Variants in FAM53B observed in about 807,000 individuals in gnomAD.
The protein encoded by FAM53B is protein FAM53B.
A neutral mutation model predicts 32.7 loss-of-function variants in FAM53B; 12 were observed. The observed-to-expected ratio is 0.37, with a 90% CI of 0.24 to 0.59. The LOEUF is 0.59. Ranked by LOEUF, FAM53B falls within the 20% of genes least tolerant of loss-of-function variation. FAM53B has a pLI of 0.72. For synonymous variants in FAM53B, 234 were observed against 228.7 expected (o/e 1.02, Z -0.21); for missense variants, 477 against 577.7 (o/e 0.83, Z 1.79).
At position 124,744,097 on chromosome 10, in the gene FAM53B, CCGCCGCGCGCA is replaced by C. The variant is rs1441632190; in HGVS notation, c.-270_-260del. On this transcript the variant is annotated 5_prime_UTR_variant, in exon 1 of 5. Coordinates refer to ENST00000337318, the MANE Select transcript of FAM53B (RefSeq NM_014661.4). ...GTCGTCCGGGGTGCCCGCCGCGCGT[CCGCCGCGCGCA>C]CGCTCGCCTGCCGGCGCCGAGCGCT... 1 of 147,146 alleles carries C rather than the reference CCGCCGCGCGCA, an allele frequency of 6.8e-6. No homozygotes were observed. Among genetic ancestry groups the C allele is most frequent in the Non-Finnish European group, 1.5e-5 (1 of 65,994 alleles). 9.1% of individuals were successfully genotyped at this position (147,146 alleles called of 1,614,324 possible).
Position 124,706,838 on chromosome 10 carries a change from C to T in FAM53B, c.-125G>A. On this transcript the variant is annotated 5_prime_UTR_variant, in exon 2 of 5. Transcript: ENST00000337318. ...CAGAAACAGCTCCCCATTGGCCACT[C>T]ACCCTTGGGGTGGGGCCCTTCTGGG... The T allele has an allele frequency of 6.5e-7, 1 of 1,543,736 alleles. No individual in the cohort carries two copies. Among genetic ancestry groups the T allele is most frequent in the Admixed American group, 1.9e-5 (1 of 52,854 alleles).
chr10:124,717,952 C>T (rs759566374), intron 1 of FAM53B, among the ~76,000 whole-genome samples: 75 of 152,268 alleles, frequency 4.9e-4, no homozygotes, highest in Non-Finnish European at 5.6e-4. Context: ...CACAGCTTTC[C>T]TACCGGTGCA....
In FAM53B at chr10:124,681,803, G is replaced by T. The variant is rs1433539282; in HGVS notation, c.710C>A (p.Ser237Tyr). ...TGAGGGAGGACAGTATTCCACAAAG[G>T]AAAACTGCTCATGTGAGCAAGAGAG... is the stretch of plus-strand genomic sequence containing the variant. Reference protein sequence around the residue: ...RSLSCSHEQFSFVEYCPPSAN... With the variant: ...RSLSCSHEQFYFVEYCPPSAN... Residue 237 changes from serine to tyrosine, a missense_variant, in exon 4 of 5, where the codon TCC (serine) becomes TAC (tyrosine). This residue lies in a region of FAM53B where 312 missense variants were observed against 420.2 expected (regional missense o/e 0.74). Coordinates refer to ENST00000337318, the MANE Select transcript of FAM53B (RefSeq NM_014661.4). 6.2e-7 allele frequency: 1 copy of T among 1,610,634 alleles called. No individual in the cohort carries two copies. Among genetic ancestry groups the T allele is most frequent in the Admixed American group, 1.7e-5 (1 of 59,468 alleles).
intron 4 of FAM53B, among the ~76,000 whole-genome samples, chr10:124,624,502 C>G (rs1016007896): frequency 9.9e-5 from 15 of 152,188 alleles, no homozygotes; most frequent in African/African-American, 3.1e-4. Flanking sequence ...TCCCTGCCTG[C>G]CTTGCTGGGC....
chr10:124,674,886 A>G (rs547027732), intron 4 of FAM53B, among the ~76,000 whole-genome samples: 16 of 152,316 alleles, frequency 1.1e-4, no homozygotes, highest in Middle Eastern at 3.4e-3. Context: ...GAGCACTCCC[A>G]GCATGGCCGG....
At chr10:124,647,274 T>G (rs1949522972) in intron 4 of FAM53B, among the ~76,000 whole-genome samples, 1 of 152,136 alleles carries the variant, frequency 6.6e-6, no homozygotes, top group East Asian at 1.9e-4. Context: ...CTAAGTGACT[T>G]GGATGAATGG....
chr10:124,673,230 G>A (rs922934684), intron 4 of FAM53B, among the ~76,000 whole-genome samples: 3 of 151,996 alleles, frequency 2.0e-5, no homozygotes, highest in Admixed American at 6.5e-5. Context: ...AGTCCATGCT[G>A]CTCACTGTTG....
intron 4 of FAM53B, among the ~76,000 whole-genome samples, chr10:124,647,397 T>C: frequency 6.6e-6 from 1 of 152,116 alleles, no homozygotes. Flanking sequence ...CAATCAGATT[T>C]TTCAGGGTCT....
chr10:124,693,193 C>T (rs1200487731), intron 3 of FAM53B, among the ~76,000 whole-genome samples: 10 of 152,180 alleles, frequency 6.6e-5, no homozygotes, highest in Non-Finnish European at 1.3e-4. Context: ...GCAGGCACGC[C>T]GGGCGCGGTG....
At chr10:124,700,233 C>CT (rs1949906226) in intron 2 of FAM53B, among the ~76,000 whole-genome samples, 1 of 152,184 alleles carries the variant, frequency 6.6e-6, no homozygotes, top group African/African-American at 2.4e-5. Flanking sequence ...TGGCCAGGGC[C>CT]TTTTTTTCCC....
chr10:124,696,992 G>A (rs1158509512), intron 2 of FAM53B, among the ~76,000 whole-genome samples: 3 of 152,110 alleles, frequency 2.0e-5, no homozygotes, highest in South Asian at 2.1e-4. Flanking sequence ...CCAAATCCAG[G>A]GCACTTGCTC....
intron 1 of FAM53B, among the ~76,000 whole-genome samples, chr10:124,743,380 GC>G (rs937490767): frequency 1.8e-4 from 27 of 152,248 alleles, no homozygotes; most frequent in Non-Finnish European, 3.4e-4. Context: ...CGGCGCGGAC[GC>G]CCCCACTCCG....
intron 1 of FAM53B, among the ~76,000 whole-genome samples, chr10:124,730,844 T>C (rs536341100): frequency 6.6e-6 from 1 of 152,116 alleles, no homozygotes; most frequent in Non-Finnish European, 1.5e-5. Flanking sequence ...GGAGAAGAGG[T>C]CAGCACATTT....
chr10:124,663,456 G>A (rs527419812), intron 4 of FAM53B, among the ~76,000 whole-genome samples: 11 of 152,328 alleles, frequency 7.2e-5, no homozygotes, highest in African/African-American at 1.9e-4. Context: ...GGCCCAATCC[G>A]TCCCCAGCTG....
At chr10:124,714,725 C>T (rs1950028295) in intron 1 of FAM53B, among the ~76,000 whole-genome samples, 1 of 145,744 alleles carries the variant, frequency 6.9e-6, no homozygotes, top group African/African-American at 2.6e-5. Flanking sequence ...TGCCACTGCA[C>T]TCCAGCCTGG....
intron 4 of FAM53B, among the ~76,000 whole-genome samples, chr10:124,677,932 A>G (rs1949746570): frequency 6.6e-6 from 1 of 152,170 alleles, no homozygotes; most frequent in Admixed American, 6.5e-5. Flanking sequence ...AATTGTCACC[A>G]TTTCATAACC....
rs1949298782 is a variant in FAM53B at position 124,620,295 on chromosome 10, T to A, written c.*2947A>T. On this transcript the variant is annotated 3_prime_UTR_variant, in exon 5 of 5. Coordinates refer to ENST00000337318, the MANE Select transcript of FAM53B (RefSeq NM_014661.4). ...GGCCCCAGCCCCTGGGCCCCACGGG[T>A]GGACGGCAGCCCCTGGCAGTTTGGT... The A allele has an allele frequency of 6.7e-6, 1 of 148,248 alleles. No homozygotes were observed. The highest frequency in any genetic ancestry group is 2.0e-4 in the East Asian group (1 of 4,886). The allele number at this position is 148,248 out of a possible 1,614,324, so 9.2% of individuals were successfully genotyped here.
At chr10:124,671,021 T>G in intron 4 of FAM53B, 1 of 405,914 alleles carries the variant, frequency 2.5e-6, no homozygotes, top group African/African-American at 2.0e-5. Context: ...AGAAGAGATC[T>G]CCCGCCCCGC....
chr10:124,644,033 G>C (rs1949494711), intron 4 of FAM53B, among the ~76,000 whole-genome samples: 1 of 133,368 alleles, frequency 7.5e-6, no homozygotes, highest in Non-Finnish European at 1.6e-5. Context: ...AACTGGCCTT[G>C]CTCCAACGAA....
Sources: gnomAD v4.1 joint callset for allele counts (sites outside exome capture counted in the v4.1 genomes callset) on GRCh38, gnomAD v4.1.1 for gene constraint, gnomAD v4.1.1 regional missense constraint, MANE v1.5 for transcripts, NCBI Gene and HGNC (gene_info 2026-07-23, HGNC 2026-07-21) for gene names.